Variants in IFT74 observed in about 807,000 individuals in gnomAD.
The protein encoded by IFT74 is intraflagellar transport protein 74 homolog.
IFT74 carries 92 observed loss-of-function variants against 96.7 expected under a neutral mutation model. The observed-to-expected ratio is 0.95, with a 90% CI of 0.80 to 1.13. IFT74 has a LOEUF of 1.13. Among genes scored for constraint, IFT74 ranks in the 50% most tolerant of loss-of-function variants. The pLI, the probability that IFT74 is intolerant of heterozygous loss-of-function variation, is 0.00. For synonymous variants in IFT74, 223 were observed against 213.2 expected (o/e 1.05, Z -0.40); for missense variants, 811 against 698.2 (o/e 1.16, Z -1.82).
At chr9:26,996,480 C>A in intron 8 of IFT74, 1 of 1,480,356 alleles carries the variant, frequency 6.8e-7, no homozygotes. Flanking sequence ...GGTAGCTACA[C>A]ATGGTGATGT....
Position 26,980,598 on chromosome 9 carries a change from CT to C in IFT74, c.286del (p.Tyr96ThrfsTer10). 1 of 1,605,458 alleles carries C rather than the reference CT, an allele frequency of 6.2e-7. No individual in the cohort carries two copies. Among genetic ancestry groups the C allele is most frequent in the Non-Finnish European group, 8.5e-7 (1 of 1,172,556 alleles). ...CCCCAGAGGCAAATTTTAGACAAAT[CT>C]TACTATCTTGGGCTTCTTAGGTATG... is the stretch of plus-strand genomic sequence containing the variant. ...KGPQRQILDK[S>X]YYLGLLRSKI... is the part of the protein sequence containing the mutation. On this transcript the variant is annotated frameshift_variant, in exon 4 of 20. Coordinates refer to ENST00000380062, the MANE Select transcript of IFT74 (RefSeq NM_025103.4). LOFTEE classifies it high-confidence loss of function.
At chr9:26,949,423 C>T (rs571031125) in intron 1 of IFT74, among the ~76,000 whole-genome samples, 1 of 152,278 alleles carries the variant, frequency 6.6e-6, no homozygotes, top group East Asian at 1.9e-4. Context: ...AACAGACAAA[C>T]CTCTAACTAA....
At chr9:27,003,073 A>T (rs887581646) in intron 8 of IFT74, among the ~76,000 whole-genome samples, 11 of 151,836 alleles carry the variant, frequency 7.2e-5, no homozygotes, top group African/African-American at 2.7e-4. Context: ...TGCTTTCTTG[A>T]TTTCTTTTTC....
At chr9:27,051,515 C>T (rs754270314) in intron 16 of IFT74, among the ~76,000 whole-genome samples, 2 of 152,158 alleles carry the variant, frequency 1.3e-5, no homozygotes, top group Non-Finnish European at 2.9e-5. Flanking sequence ...TGTTGTGCCA[C>T]GAATCTCTAG....
intron 13 of IFT74, among the ~76,000 whole-genome samples, chr9:27,031,255 G>A (rs1830108083): frequency 6.6e-6 from 1 of 152,054 alleles, no homozygotes; most frequent in African/African-American, 2.4e-5. Flanking sequence ...GAGGTGGGCG[G>A]ATCACCAGGT....
rs117223166 is a variant in IFT74, at chr9:27,015,885, C to G, written c.790-1022C>G. Among the ~76,000 whole-genome samples, 575 of 152,248 alleles carry G rather than the reference C, an allele frequency of 3.8e-3. 1 individual carries two copies. The highest frequency in any genetic ancestry group is 6.2e-3 in the Admixed American group (95 of 15,292). ...TAGTGCCTGGCACAGAACAGATGCT[C>G]AGTAAACAAGAGTCTCAAATGTCAT... On this transcript the variant is annotated intron_variant, in intron 10 of 19. Transcript: ENST00000380062.
Position 27,060,644 on chromosome 9 carries a change from G to C in IFT74, c.1677G>C (p.Met559Ile), listed in dbSNP as rs781413954. 1 of 1,600,380 alleles carries C rather than the reference G, an allele frequency of 6.2e-7. No homozygotes were observed. The highest frequency in any genetic ancestry group is 8.5e-7 in the Non-Finnish European group (1 of 1,171,244). Residue 559 changes from methionine (M) to isoleucine (I), a missense_variant, in exon 19 of 20, where the codon ATG becomes ATC. By Grantham distance (10) the Met-to-Ile change is conservative. Coordinates refer to ENST00000380062, the MANE Select transcript of IFT74 (RefSeq NM_025103.4). The stretch of plus-strand genomic sequence containing the variant: ...ACCTTGAGCAAAATAATTTTGCGAT[G>C]AAAGAATGTATCCTTTAAAAAGCTG... ...WQHLEQNNFAMKEFIATKSQE... is the reference protein window; with the variant it reads ...WQHLEQNNFAIKEFIATKSQE...
At chr9:26,971,452 G>A (rs1254904854) in intron 2 of IFT74, among the ~76,000 whole-genome samples, 1 of 152,110 alleles carries the variant, frequency 6.6e-6, no homozygotes, top group African/African-American at 2.4e-5. Context: ...CTCATGAGAG[G>A]TTTGGATAAC....
intron 2 of IFT74, among the ~76,000 whole-genome samples, chr9:26,962,837 A>G (rs1826424200): frequency 6.6e-6 from 1 of 152,040 alleles, no homozygotes; most frequent in South Asian, 2.1e-4. Context: ...ACACCATAAA[A>G]AATTAGAAAT....
At chr9:27,009,502 A>C (rs1828945876) in intron 9 of IFT74, among the ~76,000 whole-genome samples, 1 of 152,184 alleles carries the variant, frequency 6.6e-6, no homozygotes, top group South Asian at 2.1e-4. Flanking sequence ...CTTTTCTATA[A>C]ATGTTTGCAT....
chr9:27,034,092 C>G (rs1830249408), intron 13 of IFT74, among the ~76,000 whole-genome samples: 1 of 152,122 alleles, frequency 6.6e-6, no homozygotes, highest in Non-Finnish European at 1.5e-5. Flanking sequence ...TGTACGGTCA[C>G]TGTCATATGT....
At chr9:27,022,774 C>T (rs1424389314) in intron 12 of IFT74, among the ~76,000 whole-genome samples, 1 of 151,886 alleles carries the variant, frequency 6.6e-6, no homozygotes, top group Admixed American at 6.6e-5. Context: ...TCCCGAGTAG[C>T]TGGGACTAAA....
chr9:26,986,647 G>A (rs947266125), intron 6 of IFT74, among the ~76,000 whole-genome samples: 8 of 151,254 alleles, frequency 5.3e-5, no homozygotes, highest in African/African-American at 1.9e-4. Context: ...TTTAGAGATA[G>A]GGTCTTGCTC....
At chr9:26,985,460 C>A (rs1587288572) in intron 6 of IFT74, among the ~76,000 whole-genome samples, 1 of 151,888 alleles carries the variant, frequency 6.6e-6, no homozygotes, top group South Asian at 2.1e-4. Context: ...TCAAAAATTT[C>A]AAAAACAATA....
chr9:26,980,572 T>C lies in IFT74; in HGVS notation c.258T>C (p.Gly86=), dbSNP rs1313368862. The change falls in exon 4 of 20, where the codon GGT becomes GGC. Residue 86 remains glycine, a splice_region_variant and synonymous_variant. Transcript: ENST00000380062. ...AACACTTAAAACATTTTTTTTTAGG[T>C]CCCCAGAGGCAAATTTTAGACAAAT... is the stretch of plus-strand genomic sequence containing the variant. ...GLTGMKTGTK[G]PQRQILDKSY... is the part of the protein sequence containing the mutation. 17 of 1,600,724 alleles carry C rather than the reference T, an allele frequency of 1.1e-5. 1 individual carries two copies. Among genetic ancestry groups the C allele is most frequent in the South Asian group, 3.3e-5 (3 of 90,748 alleles).
At chr9:26,985,649 C>T (rs956720867) in intron 6 of IFT74, among the ~76,000 whole-genome samples, 4 of 152,022 alleles carry the variant, frequency 2.6e-5, no homozygotes, top group Non-Finnish European at 5.9e-5. Flanking sequence ...AATATATATT[C>T]TTCCATTGTT....
At chr9:26,989,241 G>A (rs1587295790) in intron 7 of IFT74, among the ~76,000 whole-genome samples, 2 of 152,204 alleles carry the variant, frequency 1.3e-5, no homozygotes, top group South Asian at 4.1e-4. Flanking sequence ...AATAAGGGTG[G>A]AAAAATTACC....
At chr9:26,968,437 T>C (rs973993321) in intron 2 of IFT74, among the ~76,000 whole-genome samples, 19 of 152,078 alleles carry the variant, frequency 1.2e-4, no homozygotes, top group Admixed American at 9.8e-4. Context: ...AATTTTTATA[T>C]TTTTAGTAGA....
chr9:27,002,429 G>A (rs1044975020), intron 8 of IFT74, among the ~76,000 whole-genome samples: 2 of 152,166 alleles, frequency 1.3e-5, no homozygotes, highest in African/African-American at 2.4e-5. Context: ...TATAGTTTGA[G>A]GTCTTATTAA....
Sources: allele counts gnomAD v4.1 joint callset (sites outside exome capture counted in the v4.1 genomes callset), GRCh38; gene constraint gnomAD v4.1.1; transcripts MANE v1.5; gene names NCBI Gene and HGNC (gene_info 2026-07-23, HGNC 2026-07-21).